PARD3B: variants seen among roughly 807,000 people sequenced by gnomAD.
PARD3B encodes par-3 family cell polarity regulator beta.
PARD3B carries 103 observed loss-of-function variants against 130.2 expected under a neutral mutation model. The observed-to-expected ratio is 0.79, with a 90% CI of 0.67 to 0.93. The LOEUF (loss-of-function observed/expected upper bound fraction) is 0.93. Ranked by LOEUF, PARD3B falls within the 40% of genes least tolerant of loss-of-function variation. The pLI is 0.00. For synonymous variants in PARD3B, 583 were observed against 553.2 expected, an observed-to-expected ratio of 1.05 and a Z score of -0.76; for missense variants, 1,609 against 1,499.2, an observed-to-expected ratio of 1.07 and a Z score of -1.21.
Position 205,137,871 on chromosome 2 carries a change from T to A in PARD3B, c.1434+12134T>A, listed in dbSNP as rs529099859. On this transcript the variant is annotated intron_variant, in intron 10 of 22. Coordinates refer to ENST00000406610, the MANE Select transcript of PARD3B (RefSeq NM_001302769.2). ...CAGAAGATGTAGGGCTCATAAGTCT[T>A]AACTTTGGAAGTTGCACTGTGACTT... 1.1e-4 allele frequency among the ~76,000 whole-genome samples: 17 copies of A among 152,344 alleles called. No individual in the cohort carries two copies. In the East Asian group the frequency reaches 3.3e-3, roughly 29 times the overall value.
At chr2:204,749,978 A>G (rs1456777282) in intron 2 of PARD3B, among the ~76,000 whole-genome samples, 1 of 152,180 alleles carries the variant, frequency 6.6e-6, no homozygotes, top group Non-Finnish European at 1.5e-5. Flanking sequence ...TTACTTGTTA[A>G]CACTCATCTC....
chr2:205,119,856 C>T (rs1417104691), intron 7 of PARD3B, among the ~76,000 whole-genome samples: 1 of 152,148 alleles, frequency 6.6e-6, no homozygotes, highest in Non-Finnish European at 1.5e-5. Flanking sequence ...AAGGGAATAG[C>T]TTCCTGTACC....
At chr2:204,848,342 G>A (rs1283805015) in intron 2 of PARD3B, among the ~76,000 whole-genome samples, 1 of 152,152 alleles carries the variant, frequency 6.6e-6, no homozygotes, top group Non-Finnish European at 1.5e-5. Context: ...AAGTTAGTAA[G>A]TGTAGGGTTT....
chr2:204,951,682 A>G (rs1440853729), intron 2 of PARD3B, among the ~76,000 whole-genome samples: 8 of 152,224 alleles, frequency 5.3e-5, no homozygotes, highest in African/African-American at 1.4e-4. Context: ...TTTGAAATTT[A>G]CATGAGAGTG....
intron 22 of PARD3B, among the ~76,000 whole-genome samples, chr2:205,560,896 C>T (rs532625422): frequency 8.5e-5 from 13 of 152,246 alleles, no homozygotes; most frequent in African/African-American, 1.7e-4. Flanking sequence ...AGTACATTCC[C>T]GGTGTTTCCG....
chr2:205,190,999 G>A (rs1036524549), intron 14 of PARD3B, among the ~76,000 whole-genome samples: 1 of 145,540 alleles, frequency 6.9e-6, no homozygotes, highest in East Asian at 2.1e-4. Context: ...GTCATTACTA[G>A]ATACCATATC....
chr2:204,686,191 A>C lies in PARD3B; in HGVS notation c.131A>C (p.Tyr44Ser). ...TTTGTTCTACTATAGGGTCCTGGTTACTGGGTGAAGATTCATCACTTAGAA... is the reference window on the plus strand; with the variant it reads ...TTTGTTCTACTATAGGGTCCTGGTTCCTGGGTGAAGATTCATCACTTAGAA... Reference protein sequence around the residue: ...YLKTREKGPGYWVKIHHLEYT... With the variant: ...YLKTREKGPGSWVKIHHLEYT... The change falls in exon 2 of 23, where the codon TAC becomes TCC. Residue 44 changes from tyrosine (Y) to serine (S), a missense_variant. Physicochemically the swap from Tyr to Ser is moderately radical, Grantham distance 144 (BLOSUM62 -2). Coordinates refer to ENST00000406610, the MANE Select transcript of PARD3B (RefSeq NM_001302769.2). 1 of 1,608,182 alleles carries C rather than the reference A, an allele frequency of 6.2e-7. No individual in the cohort carries two copies. Among genetic ancestry groups the C allele is most frequent in the Non-Finnish European group, 8.5e-7 (1 of 1,174,802 alleles).
At chr2:204,905,966 T>C (rs1435742540) in intron 2 of PARD3B, among the ~76,000 whole-genome samples, 1 of 152,100 alleles carries the variant, frequency 6.6e-6, no homozygotes, top group Non-Finnish European at 1.5e-5. Context: ...AAGATGTTCT[T>C]GGGGTTAATC....
At chr2:205,001,146 A>G (rs1193274165) in intron 3 of PARD3B, among the ~76,000 whole-genome samples, 1 of 151,906 alleles carries the variant, frequency 6.6e-6, no homozygotes, top group Non-Finnish European at 1.5e-5. Flanking sequence ...CTGCAACCAC[A>G]CCTGGCTAAT....
intron 15 of PARD3B, among the ~76,000 whole-genome samples, chr2:205,228,229 A>C (rs572855760): frequency 6.6e-6 from 1 of 152,242 alleles, no homozygotes; most frequent in African/African-American, 2.4e-5. Flanking sequence ...CTCATTGTTC[A>C]TCAATGTCCT....
At chr2:204,855,083 T>C (rs1172037315) in intron 2 of PARD3B, among the ~76,000 whole-genome samples, 2 of 152,086 alleles carry the variant, frequency 1.3e-5, no homozygotes, top group African/African-American at 4.8e-5. Flanking sequence ...CTGGTGTCAA[T>C]ATATTGACCC....
At chr2:204,563,934 C>T (rs1158170889) in intron 1 of PARD3B, among the ~76,000 whole-genome samples, 6 of 151,816 alleles carry the variant, frequency 4.0e-5, no homozygotes, top group African/African-American at 2.4e-5. Context: ...CCACCATGCC[C>T]GGCTAATTTT....
At chr2:205,069,914 A>G (rs976713998) in intron 4 of PARD3B, among the ~76,000 whole-genome samples, 1 of 152,150 alleles carries the variant, frequency 6.6e-6, no homozygotes, top group African/African-American at 2.4e-5. Flanking sequence ...ATCCCCCACT[A>G]TCAAGGCTAC....
intron 19 of PARD3B, among the ~76,000 whole-genome samples, chr2:205,415,976 T>G (rs1449661220): frequency 6.6e-6 from 1 of 152,190 alleles, no homozygotes; most frequent in Non-Finnish European, 1.5e-5. Flanking sequence ...GTAGACATGT[T>G]TATGATTCTA....
intron 16 of PARD3B, among the ~76,000 whole-genome samples, chr2:205,279,077 A>C (rs953217186): frequency 6.7e-6 from 1 of 149,156 alleles, no homozygotes; most frequent in Non-Finnish European, 1.5e-5. Context: ...TCTCAAAAAA[A>C]AAAAAAAAAA....
chr2:205,532,515 T>A (rs1352557265), intron 21 of PARD3B, among the ~76,000 whole-genome samples: 1 of 152,092 alleles, frequency 6.6e-6, no homozygotes, highest in East Asian at 1.9e-4. Flanking sequence ...GTTGCTGGAG[T>A]GGCAAAACAC....
intron 1 of PARD3B, among the ~76,000 whole-genome samples, chr2:204,565,320 G>A (rs2031606560): frequency 6.6e-6 from 1 of 152,066 alleles, no homozygotes; most frequent in Non-Finnish European, 1.5e-5. Flanking sequence ...ATTTCAACAT[G>A]GTTTCTTAAA....
Position 205,003,627 on chromosome 2 carries a change from C to T in PARD3B, c.394+38304C>T, listed in dbSNP as rs540229761. 1.5e-3 allele frequency among the ~76,000 whole-genome samples: 225 copies of T among 152,266 alleles called. 1 individual carries two copies. Among genetic ancestry groups the T allele is most frequent in the African/African-American group, 5.0e-3 (208 of 41,558 alleles). ...GTCTGCTTTGTGTTTTTCCATAGCACGTATCCACATCTAACATAGGAAACA... is the reference window on the plus strand; with the variant it reads ...GTCTGCTTTGTGTTTTTCCATAGCATGTATCCACATCTAACATAGGAAACA... On this transcript the variant is annotated intron_variant, in intron 3 of 22. Transcript: ENST00000406610.
rs1048989772 is a variant in PARD3B, at chr2:205,128,076, T to C, written c.1434+2339T>C. Among the ~76,000 whole-genome samples the C allele has an allele frequency of 6.6e-6, 1 of 152,172 alleles. No homozygotes were observed. The highest frequency in any genetic ancestry group is 1.5e-5 in the Non-Finnish European group (1 of 68,026). On this transcript the variant is annotated intron_variant, in intron 10 of 22. Transcript: ENST00000406610. The surrounding 1 kb of genome is among the most constrained non-coding windows in gnomAD (Gnocchi z 4.5). The stretch of plus-strand genomic sequence containing the variant: ...TGTTAGAAATAAAAACTCTCCAAAA[T>C]CCTCAGTGGAACTATGTGCTTATTT...
Sources: gnomAD v4.1 joint callset for allele counts (sites outside exome capture counted in the v4.1 genomes callset) on GRCh38, gnomAD v4.1.1 for gene constraint, Gnocchi (gnomAD v3.1) non-coding constraint, MANE v1.5 for transcripts, NCBI Gene and HGNC (gene_info 2026-07-23, HGNC 2026-07-21) for gene names.